FREM3: variants seen among roughly 807,000 people sequenced by gnomAD.
FREM3 encodes FRAS1 related extracellular matrix 3, also known as FRAS1-related extracellular matrix protein 3.
In FREM3, 105 loss-of-function variants were observed where a neutral mutation model predicts 129.1. The ratio of observed to expected loss-of-function variants is 0.81; its 90% CI spans 0.69 to 0.96. The LOEUF is 0.96. FREM3 is among the 40% of genes least tolerant of loss of function. The pLI is 0.00. For synonymous variants in FREM3, 1,014 were observed against 1,044.9 expected (o/e 0.97, Z 0.57); for missense variants, 2,593 against 2,666.3 (o/e 0.97, Z 0.61).
chr4:143,591,019 T>C (rs1738350269), intron 6 of FREM3, among the ~76,000 whole-genome samples: 1 of 152,364 alleles, frequency 6.6e-6, no homozygotes, highest in Non-Finnish European at 1.5e-5. Context: ...TTCTAGTTTA[T>C]TTGCATAGAG....
chr4:143,624,902 G>T (rs948922947), intron 3 of FREM3, among the ~76,000 whole-genome samples: 1 of 152,054 alleles, frequency 6.6e-6, no homozygotes, highest in Admixed American at 6.6e-5. Context: ...GTTTCCTCTT[G>T]CTGATTCTTA....
At chr4:143,644,336 T>G (rs866776369) in intron 2 of FREM3, among the ~76,000 whole-genome samples, 32 of 152,318 alleles carry the variant, frequency 2.1e-4, no homozygotes, top group African/African-American at 7.7e-4. Flanking sequence ...CTCTTTCCAT[T>G]TTCCGTAAGG....
Position 143,698,675 on chromosome 4 carries a change from A to G in FREM3, c.2001T>C (p.Ser667=). ...YRHLGPHSPQ[S]VMVQLAFHVQ... ...CATGGAAAGCCAGCTGGACCATTAC[A>G]GATTGAGGGCTGTGTGGTCCAAGAT... The change falls in exon 1 of 8, where the codon TCT becomes TCC. Residue 667 remains serine (S), a synonymous_variant. Transcript: ENST00000329798. The G allele has an allele frequency of 2.0e-6, 3 of 1,537,696 alleles. No homozygotes were observed. The highest frequency in any genetic ancestry group is 2.6e-6 in the Non-Finnish European group (3 of 1,147,014).
At position 143,627,569 on chromosome 4, in the gene FREM3, A is replaced by G. The variant is rs780663148; in HGVS notation, c.5422+45T>C. ...GTAATTATTTTTAGTCCCAGATTTC[A>G]TGTTTCCATGACCTTTTACCAACAA... On this transcript the variant is annotated intron_variant, in intron 3 of 7. Transcript: ENST00000329798. 5.5e-6 allele frequency: 8 copies of G among 1,448,146 alleles called. No homozygotes were observed. The South Asian group carries it at 6.1e-5, about 11-fold the overall frequency. The allele number at this position is 1,448,146 out of a possible 1,614,324, so 89.7% of individuals were successfully genotyped here. A position where few individuals can be genotyped will look rare whatever the true frequency, so the allele number is the denominator to read the frequency against.
intron 2 of FREM3, among the ~76,000 whole-genome samples, chr4:143,634,665 T>C (rs1739204135): frequency 6.6e-6 from 1 of 152,016 alleles, no homozygotes; most frequent in African/African-American, 2.4e-5. Flanking sequence ...AATCACTTGC[T>C]GGAGAAAGGG....
intron 2 of FREM3, among the ~76,000 whole-genome samples, chr4:143,644,200 T>TGTGC (rs1491586497): frequency 2.8e-5 from 4 of 142,084 alleles, no homozygotes; most frequent in African/African-American, 7.6e-5. Context: ...TGTGTGTGTG[T>TGTGC]GCGCGTGTGC....
chr4:143,688,493 C>T (rs1740406599), intron 2 of FREM3, among the ~76,000 whole-genome samples: 1 of 152,160 alleles, frequency 6.6e-6, no homozygotes, highest in African/African-American at 2.4e-5. Flanking sequence ...CAAAATACCA[C>T]CATAATTATT....
At chr4:143,643,947 G>T (rs932111571) in intron 2 of FREM3, among the ~76,000 whole-genome samples, 1 of 152,124 alleles carries the variant, frequency 6.6e-6, no homozygotes, top group South Asian at 2.1e-4. Flanking sequence ...TACAAGTACA[G>T]CATATCAATT....
chr4:143,578,560 A>G (rs1309562526), intron 7 of FREM3, among the ~76,000 whole-genome samples: 1 of 152,216 alleles, frequency 6.6e-6, no homozygotes, highest in African/African-American at 2.4e-5. Context: ...ATAATGAGGA[A>G]CCCTGGCAGA....
chr4:143,674,207 A>G (rs1206693963), intron 2 of FREM3, among the ~76,000 whole-genome samples: 1 of 152,182 alleles, frequency 6.6e-6, no homozygotes, highest in East Asian at 1.9e-4. Context: ...CAGAAACTCT[A>G]CAAGCCGGAA....
intron 2 of FREM3, among the ~76,000 whole-genome samples, chr4:143,644,341 G>T (rs947284917): frequency 6.6e-6 from 1 of 151,828 alleles, no homozygotes; most frequent in African/African-American, 2.4e-5. Context: ...TCCATTTTCC[G>T]TAAGGTCATT....
At chr4:143,601,264 C>T (rs1365290352) in intron 6 of FREM3, among the ~76,000 whole-genome samples, 1 of 152,142 alleles carries the variant, frequency 6.6e-6, no homozygotes, top group African/African-American at 2.4e-5. Context: ...ACCAAAATGA[C>T]ACTTTGTTTA....
intron 2 of FREM3, among the ~76,000 whole-genome samples, chr4:143,672,897 T>C (rs1740024351): frequency 6.6e-6 from 1 of 152,240 alleles, no homozygotes; most frequent in Non-Finnish European, 1.5e-5. Context: ...CTAATGAAGC[T>C]TGTGCATTCG....
At chr4:143,670,902 C>T (rs141704381) in intron 2 of FREM3, among the ~76,000 whole-genome samples, 2 of 151,876 alleles carry the variant, frequency 1.3e-5, no homozygotes, top group African/African-American at 4.8e-5. Context: ...AAAAAATAAG[C>T]CTGTGTTTCA....
intron 2 of FREM3, among the ~76,000 whole-genome samples, chr4:143,652,029 C>T (rs1044073548): frequency 6.6e-6 from 1 of 152,058 alleles, no homozygotes; most frequent in Admixed American, 6.5e-5. Flanking sequence ...AACATCTTAC[C>T]ATTTTGTGCT....
At chr4:143,610,730 G>A (rs897139779) in intron 6 of FREM3, among the ~76,000 whole-genome samples, 4 of 152,152 alleles carry the variant, frequency 2.6e-5, no homozygotes, top group Admixed American at 6.5e-5. Flanking sequence ...ACTTTGTGTC[G>A]TGTCTGGGAG....
intron 2 of FREM3, among the ~76,000 whole-genome samples, chr4:143,667,234 C>T (rs551704359): frequency 5.3e-5 from 8 of 152,054 alleles, no homozygotes; most frequent in Non-Finnish European, 1.0e-4. Flanking sequence ...TTCAATTTCA[C>T]CACTATATTC....
intron 3 of FREM3, among the ~76,000 whole-genome samples, chr4:143,625,071 C>T (rs1007320241): frequency 2.0e-5 from 3 of 151,756 alleles, no homozygotes; most frequent in African/African-American, 4.8e-5. Flanking sequence ...ACTGAAGATA[C>T]GAAACAACAA....
chr4:143,588,661 G>T (rs1738291029), intron 6 of FREM3, among the ~76,000 whole-genome samples: 1 of 151,702 alleles, frequency 6.6e-6, no homozygotes, highest in South Asian at 2.1e-4. Context: ...CATTTGGGTT[G>T]GTTCCAAGTC....
Sources: allele counts gnomAD v4.1 joint callset (sites outside exome capture counted in the v4.1 genomes callset), GRCh38; gene constraint gnomAD v4.1.1; transcripts MANE v1.5; gene names NCBI Gene and HGNC (gene_info 2026-07-23, HGNC 2026-07-21).